Variants in STK32B observed in about 807,000 individuals in gnomAD.
The protein encoded by STK32B is serine/threonine kinase 32B.
A neutral mutation model predicts 52.6 loss-of-function variants in STK32B; 43 were observed. That is an observed-to-expected ratio of 0.82 (90% confidence interval 0.64 to 1.05). The LOEUF (loss-of-function observed/expected upper bound fraction) is 1.05. Ranked by LOEUF, STK32B falls within the 50% of genes least tolerant of loss-of-function variation. The probability of loss-of-function intolerance (pLI) is 0.00; values close to 1 mark genes in which losing one functional copy is unlikely to be tolerated. For missense variants in STK32B, 621 were observed against 534.6 expected, an observed-to-expected ratio of 1.16 and a Z score of -1.59; for synonymous variants, 238 against 204.3, an observed-to-expected ratio of 1.17 and a Z score of -1.41.
intron 3 of STK32B, among the ~76,000 whole-genome samples, chr4:5,239,789 A>G (rs373240915): frequency 4.6e-5 from 7 of 151,914 alleles, no homozygotes; most frequent in Admixed American, 1.3e-4. Context: ...ATGAATGACT[A>G]AAGGTTAAAA....
chr4:5,046,941 C>T (rs1254101584), upstream of STK32B, among the ~76,000 whole-genome samples: 6 of 152,108 alleles, frequency 3.9e-5, no homozygotes, highest in Admixed American at 6.5e-5. Flanking sequence ...GATTTCTCAA[C>T]GATCTAGAGT....
At chr4:5,282,083 C>G (rs1402442321) in intron 3 of STK32B, among the ~76,000 whole-genome samples, 1 of 152,094 alleles carries the variant, frequency 6.6e-6, no homozygotes, top group Non-Finnish European at 1.5e-5. Context: ...TATCCATCAC[C>G]TCACCTATCA....
chr4:5,440,248 C>A lies in STK32B; in HGVS notation c.563-6425C>A, dbSNP rs1714588680. 4.6e-5 allele frequency among the ~76,000 whole-genome samples: 7 copies of A among 152,276 alleles called. No homozygotes were observed. The South Asian group carries it at 1.0e-3, about 23-fold the overall frequency. On this transcript the variant is annotated intron_variant, in intron 6 of 11. Transcript: ENST00000282908. ...TTCCTACCCATGAGCATGGAATGTT[C>A]TTCCATTTCTTTGTATCCTCTTTTA... is the stretch of plus-strand genomic sequence containing the variant.
chr4:5,434,403 TAG>T (rs1449117751), intron 6 of STK32B, among the ~76,000 whole-genome samples: 2 of 151,352 alleles, frequency 1.3e-5, no homozygotes, highest in South Asian at 2.1e-4. Context: ...ATATAAAACA[TAG>T]AGAGTATATG....
chr4:5,439,658 T>G (rs1428950058), intron 6 of STK32B, among the ~76,000 whole-genome samples: 3 of 152,220 alleles, frequency 2.0e-5, no homozygotes, highest in Admixed American at 6.5e-5. Context: ...TTTTGCTGTT[T>G]TAGACATGAA....
At chr4:5,255,740 T>C (rs1726250432) in intron 3 of STK32B, among the ~76,000 whole-genome samples, 1 of 152,236 alleles carries the variant, frequency 6.6e-6, no homozygotes, top group South Asian at 2.1e-4. Context: ...ATAATGTCAT[T>C]GATATACTAT....
intron 11 of STK32B, among the ~76,000 whole-genome samples, chr4:5,476,674 C>T (rs1577567598): frequency 6.6e-6 from 1 of 152,024 alleles, no homozygotes; most frequent in East Asian, 1.9e-4. Context: ...TGACCTGTCA[C>T]CTGGCACCTG....
intron 3 of STK32B, among the ~76,000 whole-genome samples, chr4:5,269,753 A>G (rs115606184): frequency 1.3e-5 from 2 of 152,322 alleles, no homozygotes; most frequent in Non-Finnish European, 2.9e-5. Context: ...TTAAACATAT[A>G]GCAATAAAGG....
chr4:5,495,086 G>A (rs547984824), intron 11 of STK32B, among the ~76,000 whole-genome samples: 2 of 152,162 alleles, frequency 1.3e-5, no homozygotes, highest in South Asian at 4.2e-4. Context: ...GTATCTTTGT[G>A]GCATTCTCTG....
chr4:5,155,446 C>A (rs1383539625), intron 2 of STK32B, among the ~76,000 whole-genome samples: 1 of 152,200 alleles, frequency 6.6e-6, no homozygotes, highest in East Asian at 1.9e-4. Flanking sequence ...CACACACACT[C>A]ACATGCACAT....
the STK32B span, among the ~76,000 whole-genome samples, chr4:5,032,916 T>C: frequency 6.6e-6 from 1 of 152,294 alleles, no homozygotes; most frequent in South Asian, 2.1e-4. Context: ...ACAGACCGGC[T>C]CTTTCCCTTC....
At chr4:5,488,144 C>T (rs1241421586) in intron 11 of STK32B, among the ~76,000 whole-genome samples, 1 of 152,054 alleles carries the variant, frequency 6.6e-6, no homozygotes, top group Non-Finnish European at 1.5e-5. Flanking sequence ...ACTAAAAATA[C>T]AAAAATTAGC....
At chr4:5,367,952 T>G (rs1267921691) in intron 4 of STK32B, among the ~76,000 whole-genome samples, 1 of 152,144 alleles carries the variant, frequency 6.6e-6, no homozygotes, top group Non-Finnish European at 1.5e-5. Context: ...GGGAGGGGGC[T>G]TCACTGCTCC....
chr4:5,227,251 G>T (rs558970845), intron 3 of STK32B, among the ~76,000 whole-genome samples: 1 of 152,254 alleles, frequency 6.6e-6, no homozygotes, highest in Admixed American at 6.5e-5. Flanking sequence ...CCGAAATCAT[G>T]TCAATGAGAT....
chr4:5,126,326 A>G (rs1350891321), intron 1 of STK32B, among the ~76,000 whole-genome samples: 2 of 150,884 alleles, frequency 1.3e-5, no homozygotes, highest in Non-Finnish European at 3.0e-5. Flanking sequence ...TGTTCTCTCC[A>G]CCTCCTTGTC....
chr4:5,162,382 A>G (rs1227030424), intron 2 of STK32B, among the ~76,000 whole-genome samples: 3 of 152,166 alleles, frequency 2.0e-5, no homozygotes, highest in Admixed American at 6.5e-5. Flanking sequence ...TGCAGAATCG[A>G]CATTGTCAGC....
intron 6 of STK32B, among the ~76,000 whole-genome samples, chr4:5,438,698 C>A (rs1378547237): frequency 6.6e-6 from 1 of 152,202 alleles, no homozygotes; most frequent in Admixed American, 6.5e-5. Flanking sequence ...GTGCGCTGCA[C>A]CCACTAACTC....
At chr4:5,494,215 A>C (rs988608815) in intron 11 of STK32B, among the ~76,000 whole-genome samples, 1 of 152,118 alleles carries the variant, frequency 6.6e-6, no homozygotes, top group Non-Finnish European at 1.5e-5. Flanking sequence ...TTGGAGTCTA[A>C]GTATCTTTGT....
At chr4:5,036,395 T>G in the STK32B span, among the ~76,000 whole-genome samples, 1 of 152,268 alleles carries the variant, frequency 6.6e-6, no homozygotes, top group African/African-American at 2.4e-5. Flanking sequence ...CCCCTTTTGG[T>G]TCTGATTATG....
Sources: gnomAD v4.1 joint callset for allele counts (sites outside exome capture counted in the v4.1 genomes callset) on GRCh38, gnomAD v4.1.1 for gene constraint, MANE v1.5 for transcripts, NCBI Gene and HGNC (gene_info 2026-07-23, HGNC 2026-07-21) for gene names.